The following NFATC1 variants were observed in gnomAD, a reference collection of about 807,000 sequenced individuals.
NFATC1 encodes nuclear factor of activated T-cells, cytoplasmic 1.
In NFATC1, 22 loss-of-function variants were observed where a neutral mutation model predicts 76.0. The observed-to-expected ratio is 0.29, with a 90% CI of 0.21 to 0.41. The LOEUF (loss-of-function observed/expected upper bound fraction) is 0.41, where lower values mean the gene tolerates loss of function less well. Among genes scored for constraint, NFATC1 ranks in the 10% least tolerant of loss-of-function variants. NFATC1 has a pLI of 1.00. For missense variants in NFATC1, 1,357 were observed against 1,337.7 expected, an observed-to-expected ratio of 1.01 and a Z score of -0.23; for synonymous variants, 704 against 613.1, an observed-to-expected ratio of 1.15 and a Z score of -2.19.
In NFATC1 at chr18:79,513,860, G is replaced by A. The variant is rs541138425; in HGVS notation, c.2783-13668G>A. Among the ~76,000 whole-genome samples, 29 of 152,312 alleles carry A rather than the reference G, an allele frequency of 1.9e-4. 1 individual carries two copies. Among genetic ancestry groups the A allele is most frequent in the Middle Eastern group, 3.4e-3 (1 of 294 alleles). On this transcript the variant is annotated intron_variant, in intron 9 of 9. Transcript: ENST00000427363. Reference sequence around the variant, plus strand: ...GGTACACTGGCTGTGCCATGTGCATGCCCACGTCCAGGACGGGCCACTGTG... The same window carrying A: ...GGTACACTGGCTGTGCCATGTGCATACCCACGTCCAGGACGGGCCACTGTG...
At chr18:79,396,784 T>A (rs1251059237) in intron 1 of NFATC1, among the ~76,000 whole-genome samples, 1 of 151,582 alleles carries the variant, frequency 6.6e-6, no homozygotes, top group Non-Finnish European at 1.5e-5. Flanking sequence ...AGATCGCGGT[T>A]TGGGGGTTCT....
At chr18:79,454,615 G>T (rs1419706810) in intron 6 of NFATC1, among the ~76,000 whole-genome samples, 1 of 152,244 alleles carries the variant, frequency 6.6e-6, no homozygotes, top group Non-Finnish European at 1.5e-5. Context: ...CTTCCTCCCA[G>T]GTGTCTCAGG....
chr18:79,462,146 C>G (rs1007397325), intron 7 of NFATC1, among the ~76,000 whole-genome samples: 1 of 152,264 alleles, frequency 6.6e-6, no homozygotes, highest in African/African-American at 2.4e-5. Context: ...ATGGCTGTAG[C>G]TGCTCCCACA....
chr18:79,504,355 A>G (rs1053312842), intron 9 of NFATC1, among the ~76,000 whole-genome samples: 36 of 152,262 alleles, frequency 2.4e-4, no homozygotes, highest in African/African-American at 8.2e-4. Context: ...AATTGGCCTA[A>G]TGTCAGTATG....
intron 9 of NFATC1, chr18:79,527,253 G>A (rs930239054): frequency 3.1e-5 from 12 of 383,914 alleles, no homozygotes; most frequent in East Asian, 4.5e-5. Context: ...CATCGCGGCC[G>A]GCACCTGGCA....
rs200663312 is a variant in NFATC1, at chr18:79,411,480, T to C, written c.1205T>C (p.Leu402Pro). The change falls in exon 2 of 10, where the codon CTG becomes CCG. Residue 402 changes from leucine to proline, a missense_variant. By Grantham distance (98) the Leu-to-Pro change is moderately conservative (BLOSUM62 -3). Transcript: ENST00000427363. ...TACCAGTGGGCGAAGCCCAAGCCCC[T>C]GTCCCCTACGTCCTACATGAGGTGA... Reference protein sequence around the residue: ...HPYQWAKPKPLSPTSYMSPTL... With the variant: ...HPYQWAKPKPPSPTSYMSPTL... 7,636 of 1,511,976 alleles carry C rather than the reference T, an allele frequency of 5.1e-3. 36 individuals are homozygous for C. The highest frequency in any genetic ancestry group is 0.023 in the Middle Eastern group (126 of 5,574). The allele number at this position is 1,511,976 out of a possible 1,614,324, so 93.7% of individuals were successfully genotyped here.
Position 79,451,773 on chromosome 18 carries a change from C to A in NFATC1, c.1860C>A (p.Asn620Lys). The change falls in exon 6 of 10, where the codon AAC (asparagine) becomes AAA (lysine). Residue 620 changes from asparagine to lysine, a missense_variant. Physicochemically the swap from Asn to Lys is moderately conservative, Grantham distance 94. Transcript: ENST00000427363. The part of the protein sequence containing the change: ...GGKKMVLSGH[N>K]FLQDSKVIFV... ...AGAAGATGGTCCTGTCTGGCCACAACTTCCTGCAGGACTCCAAGGTCATTT... is the reference window on the plus strand; with the variant it reads ...AGAAGATGGTCCTGTCTGGCCACAAATTCCTGCAGGACTCCAAGGTCATTT... The A allele has an allele frequency of 6.2e-7, 1 of 1,613,160 alleles. No homozygotes were observed. Among genetic ancestry groups the A allele is most frequent in the Non-Finnish European group, 8.5e-7 (1 of 1,179,658 alleles).
intron 9 of NFATC1, among the ~76,000 whole-genome samples, chr18:79,488,621 A>C (rs530216709): frequency 6.6e-6 from 1 of 152,266 alleles, no homozygotes; most frequent in African/African-American, 2.4e-5. Context: ...GGAGCTCCGC[A>C]TGGGGCCCAT....
In NFATC1 at chr18:79,451,160, A is replaced by G. The variant is rs2087454943; in HGVS notation, c.1762+34A>G. On this transcript the variant is annotated intron_variant, in intron 5 of 9. Transcript: ENST00000427363. ...ACGTCCACGCGCCCACAGGGGAGGAAACCGTCCCGTCACATGCGCTTCACT... is the reference window on the plus strand; with the variant it reads ...ACGTCCACGCGCCCACAGGGGAGGAGACCGTCCCGTCACATGCGCTTCACT... 4 of 1,591,624 alleles carry G rather than the reference A, an allele frequency of 2.5e-6. No individual in the cohort carries two copies. The South Asian group carries it at 3.4e-5, about 13-fold the overall frequency.
At chr18:79,466,764 G>A (rs559077723) in intron 7 of NFATC1, among the ~76,000 whole-genome samples, 3 of 152,244 alleles carry the variant, frequency 2.0e-5, no homozygotes, top group Non-Finnish European at 4.4e-5. Flanking sequence ...TGAGGGCCTC[G>A]GCCATCGTCA....
At chr18:79,408,235 C>T (rs908470807) in intron 1 of NFATC1, among the ~76,000 whole-genome samples, 4 of 152,206 alleles carry the variant, frequency 2.6e-5, no homozygotes, top group Non-Finnish European at 5.9e-5. Flanking sequence ...AGCGGAAAGA[C>T]AGCACTGTCC....
At chr18:79,519,083 A>G (rs1203545335) in intron 9 of NFATC1, among the ~76,000 whole-genome samples, 3 of 152,180 alleles carry the variant, frequency 2.0e-5, no homozygotes, top group Admixed American at 6.5e-5. Flanking sequence ...ACCTTGTTCT[A>G]CCAGAGCGTT....
chr18:79,518,643 G>A (rs957926193), intron 9 of NFATC1, among the ~76,000 whole-genome samples: 44 of 152,362 alleles, frequency 2.9e-4, no homozygotes, highest in African/African-American at 8.9e-4. Flanking sequence ...TGCCCAGGGC[G>A]TGGCCCACAG....
intron 2 of NFATC1, among the ~76,000 whole-genome samples, chr18:79,432,118 C>T (rs1019464480): frequency 7.9e-5 from 12 of 152,374 alleles, no homozygotes; most frequent in Non-Finnish European, 1.5e-4. Flanking sequence ...GCGACTGCAT[C>T]GCATGGAACC....
At chr18:79,421,981 AAC>A (rs2086109361) in intron 2 of NFATC1, 2 of 152,366 alleles carry the variant, frequency 1.3e-5, no homozygotes, top group Admixed American at 1.3e-4. Context: ...TTTGGAGAGT[AAC>A]ACATCCTTAT....
rs1308898520 is a variant in NFATC1 at position 79,508,869 on chromosome 18, CCTCT to C, written c.2783-18656_2783-18653del. 4.0e-5 allele frequency among the ~76,000 whole-genome samples: 6 copies of C among 151,854 alleles called. No homozygotes were observed. The South Asian group carries it at 6.3e-4, about 16-fold the overall frequency. On this transcript the variant is annotated intron_variant, in intron 9 of 9. Transcript: ENST00000427363. ...TCTTATCTCTCTCCCTCTGTCTCTGCCTCTCTGTCTCTCTCTCCGTCCCTCCCTC... is the reference window on the plus strand; with the variant it reads ...TCTTATCTCTCTCCCTCTGTCTCTGCCTGTCTCTCTCTCCGTCCCTCCCTC...
intron 1 of NFATC1, among the ~76,000 whole-genome samples, chr18:79,407,015 C>T (rs988515872): frequency 6.6e-6 from 1 of 152,202 alleles, no homozygotes; most frequent in African/African-American, 2.4e-5. Context: ...TTGCACGGGC[C>T]ACGGAGGGGC....
chr18:79,455,183 G>GT (rs1379116767), intron 6 of NFATC1, among the ~76,000 whole-genome samples: 3 of 152,228 alleles, frequency 2.0e-5, no homozygotes, highest in African/African-American at 7.2e-5. Flanking sequence ...TTCTGGTGCC[G>GT]TTTTTTAAAA....
intron 2 of NFATC1, among the ~76,000 whole-genome samples, chr18:79,415,763 G>C (rs944536412): frequency 6.6e-6 from 1 of 151,886 alleles, no homozygotes; most frequent in African/African-American, 2.4e-5. Flanking sequence ...GTGCAATAAC[G>C]TATATTCAAA....
Sources: gnomAD v4.1 joint callset for allele counts (sites outside exome capture counted in the v4.1 genomes callset) on GRCh38, gnomAD v4.1.1 for gene constraint, MANE v1.5 for transcripts, NCBI Gene and HGNC (gene_info 2026-07-23, HGNC 2026-07-21) for gene names.